PTPRT: variants seen among roughly 807,000 people sequenced by gnomAD.
PTPRT encodes the protein protein tyrosine phosphatase receptor type T, also known as receptor-type tyrosine-protein phosphatase T.
A neutral mutation model predicts 176.8 loss-of-function variants in PTPRT; 56 were observed. That is an observed-to-expected ratio of 0.32 (90% CI 0.26 to 0.40). PTPRT has a LOEUF of 0.40. Ranked by LOEUF, PTPRT falls within the 10% of genes least tolerant of loss-of-function variation. PTPRT has a pLI of 1.00. For missense variants in PTPRT, 1,540 were observed against 1,908.2 expected, an observed-to-expected ratio of 0.81 and a Z score of 3.60; for synonymous variants, 783 against 739.0, an observed-to-expected ratio of 1.06 and a Z score of -0.96.
chr20:42,873,762 C>T (rs208189), intron 2 of PTPRT, among the ~76,000 whole-genome samples: 41,534 of 151,958 alleles, frequency 0.27, 5,899 homozygotes, highest in African/African-American at 0.36. Context: ...TAGCCATGTG[C>T]GGCTAATGAC....
At chr20:42,573,477 G>C (rs561300346) in intron 7 of PTPRT, among the ~76,000 whole-genome samples, 42 of 152,342 alleles carry the variant, frequency 2.8e-4, no homozygotes, top group African/African-American at 9.4e-4. Flanking sequence ...AGACAGTGTT[G>C]TGGTGAGAAT....
At chr20:42,668,111 A>G (rs993534995) in intron 7 of PTPRT, among the ~76,000 whole-genome samples, 8 of 152,214 alleles carry the variant, frequency 5.3e-5, no homozygotes, top group African/African-American at 1.9e-4. Flanking sequence ...TTATACTTTC[A>G]TTCCTAAACA....
In PTPRT at chr20:42,886,402, C is replaced by T. The variant is rs143881657; in HGVS notation, c.89-470G>A. Among the ~76,000 whole-genome samples the T allele has an allele frequency of 3.4e-3, 515 of 152,248 alleles. 6 individuals carry two copies. Among genetic ancestry groups the T allele is most frequent in the African/African-American group, 0.012 (486 of 41,544 alleles). On this transcript the variant is annotated intron_variant, in intron 1 of 30. Transcript: ENST00000373187. The stretch of plus-strand genomic sequence containing the variant: ...CTTCATACCTGAGCATCTCCGTTTC[C>T]TCACCTATGATACGGAGGGAAATGT...
intron 1 of PTPRT, among the ~76,000 whole-genome samples, chr20:43,120,358 G>A (rs1207678852): frequency 2.6e-5 from 4 of 151,386 alleles, no homozygotes; most frequent in South Asian, 2.1e-4. Context: ...TGCAAGCTCC[G>A]CCTCCCGGGT....
chr20:42,123,761 G>A (rs1001653334), intron 19 of PTPRT, among the ~76,000 whole-genome samples: 2 of 152,128 alleles, frequency 1.3e-5, no homozygotes, highest in African/African-American at 4.8e-5. Context: ...TTGCTCTCTC[G>A]CTCCATCCAA....
intron 7 of PTPRT, among the ~76,000 whole-genome samples, chr20:42,666,453 A>T (rs1484454657): frequency 3.3e-5 from 5 of 152,166 alleles, no homozygotes; most frequent in African/African-American, 1.2e-4. Context: ...AAATGTTGAC[A>T]TTTCACAGAG....
intron 8 of PTPRT, among the ~76,000 whole-genome samples, chr20:42,462,784 C>T (rs6030261): frequency 2.0e-5 from 3 of 152,172 alleles, no homozygotes; most frequent in African/African-American, 7.2e-5. Context: ...GTTGGCCACA[C>T]ACTACTTAGC....
At chr20:42,275,608 A>G (rs73254777) in intron 13 of PTPRT, among the ~76,000 whole-genome samples, 13,276 of 152,160 alleles carry the variant, frequency 0.087, 1,043 homozygotes, top group African/African-American at 0.21. Flanking sequence ...AAGTTTGAGC[A>G]CAACTAGAGA....
chr20:42,461,288 TTGCACTCCAGCC>T (rs1179239819), intron 8 of PTPRT, among the ~76,000 whole-genome samples: 1 of 152,084 alleles, frequency 6.6e-6, no homozygotes, highest in Non-Finnish European at 1.5e-5. Flanking sequence ...GATCGTGCCA[TTGCACTCCAGCC>T]TGGGCAACAA....
Position 42,118,415 on chromosome 20 carries a change from C to T in PTPRT, c.2970G>A (p.Val990=), listed in dbSNP as rs969639859. ...AGGAGAGGCTTACCCTGCCCACTTCCACCAGGTTTGTGACCATGACGATGC... is the reference window on the plus strand; with the variant it reads ...AGGAGAGGCTTACCCTGCCCACTTCTACCAGGTTTGTGACCATGACGATGC... The part of the protein sequence containing the change: ...SASIVMVTNL[V]EVGRVKCVRY... The change falls in exon 21 of 31, where the codon GTG becomes GTA. Residue 990 remains valine (V), a synonymous_variant. Transcript: ENST00000373187. The T allele has an allele frequency of 2.0e-5, 33 of 1,612,124 alleles. No individual in the cohort carries two copies. Among genetic ancestry groups the T allele is most frequent in the Admixed American group, 3.3e-5 (2 of 59,812 alleles).
chr20:42,802,130 T>C (rs890840666), intron 2 of PTPRT, among the ~76,000 whole-genome samples: 3 of 152,212 alleles, frequency 2.0e-5, no homozygotes, highest in African/African-American at 7.2e-5. Context: ...CCATACCCAG[T>C]AGATTTGGGG....
intron 7 of PTPRT, among the ~76,000 whole-genome samples, chr20:42,488,632 A>T (rs2071504262): frequency 6.6e-6 from 1 of 152,062 alleles, no homozygotes; most frequent in African/African-American, 2.4e-5. Context: ...GTTCATGATA[A>T]TCTCTAATAA....
rs976463692 is a variant in PTPRT at position 42,160,519 on chromosome 20, A to G, written c.2682+833T>C. 5.1e-5 allele frequency among the ~76,000 whole-genome samples: 6 copies of G among 117,422 alleles called. 1 individual carries two copies. Among genetic ancestry groups the G allele is most frequent in the African/African-American group, 2.0e-4 (6 of 30,542 alleles). 77.0% of individuals were successfully genotyped at this position (117,422 alleles called of 152,430 possible). On this transcript the variant is annotated intron_variant, in intron 17 of 30. Transcript: ENST00000373187. ...GAGGAACGTGGTGCCCTTTGTCTGG[A>G]TGCTGAGGGGTGGGGGTGGAGGAAG...
At chr20:42,564,063 C>T (rs932906623) in intron 7 of PTPRT, among the ~76,000 whole-genome samples, 2 of 152,144 alleles carry the variant, frequency 1.3e-5, no homozygotes, top group Non-Finnish European at 2.9e-5. Flanking sequence ...GGGGTGTTTA[C>T]AGGGCCAGGG....
chr20:43,095,562 A>G (rs1600709297), intron 1 of PTPRT, among the ~76,000 whole-genome samples: 1 of 147,568 alleles, frequency 6.8e-6, no homozygotes, highest in Non-Finnish European at 1.5e-5. Context: ...GCTATCTCTC[A>G]CCCTACTTTT....
chr20:42,917,244 T>C (rs1300975300), intron 1 of PTPRT, among the ~76,000 whole-genome samples: 1 of 152,148 alleles, frequency 6.6e-6, no homozygotes, highest in Non-Finnish European at 1.5e-5. Flanking sequence ...CTTGTTTTTG[T>C]CAGGTTTGTC....
At chr20:42,393,715 C>T (rs781375259) in intron 9 of PTPRT, among the ~76,000 whole-genome samples, 1 of 152,270 alleles carries the variant, frequency 6.6e-6, no homozygotes, top group South Asian at 2.1e-4. Flanking sequence ...TCCTAGGTTC[C>T]TATTGTTTGG....
chr20:42,440,667 C>T (rs948515572), intron 9 of PTPRT, among the ~76,000 whole-genome samples: 8 of 151,898 alleles, frequency 5.3e-5, no homozygotes, highest in Admixed American at 2.0e-4. Context: ...TTAGTAGAGA[C>T]GGGGTTTCAC....
intron 11 of PTPRT, among the ~76,000 whole-genome samples, chr20:42,325,442 G>A (rs986187042): frequency 1.1e-4 from 17 of 152,162 alleles, no homozygotes; most frequent in African/African-American, 4.1e-4. Context: ...TGAAAATCCA[G>A]TTGAAGCATC....
Sources: allele counts gnomAD v4.1 joint callset (sites outside exome capture counted in the v4.1 genomes callset), GRCh38; gene constraint gnomAD v4.1.1; transcripts MANE v1.5; gene names NCBI Gene and HGNC (gene_info 2026-07-23, HGNC 2026-07-21).